Variants in CHRNA7 observed in about 807,000 individuals in gnomAD.
CHRNA7 encodes neuronal acetylcholine receptor subunit alpha-7.
In CHRNA7, 17 loss-of-function variants were observed where a neutral mutation model predicts 48.0. The observed-to-expected ratio is 0.35, with a 90% CI of 0.24 to 0.53. The LOEUF (loss-of-function observed/expected upper bound fraction) is 0.53, where lower values mean the gene tolerates loss of function less well. Among genes scored for constraint, CHRNA7 ranks in the 20% least tolerant of loss-of-function variants. The pLI is 0.92. For synonymous variants in CHRNA7, 75 were observed against 242.3 expected (o/e 0.31, Z 6.41); for missense variants, 155 against 577.7 (o/e 0.27, Z 7.50).
intron 4 of CHRNA7, among the ~76,000 whole-genome samples, chr15:32,137,695 G>T (rs1220628544): frequency 4.6e-5 from 7 of 152,188 alleles, no homozygotes; most frequent in East Asian, 3.8e-4. Flanking sequence ...TGGAAAACTG[G>T]ATATCTAAAT....
chr15:32,144,001 T>G (rs1472653850), intron 4 of CHRNA7, among the ~76,000 whole-genome samples: 1 of 152,220 alleles, frequency 6.6e-6, no homozygotes, highest in Non-Finnish European at 1.5e-5. Context: ...TTGATGTGGT[T>G]TCTTCATAGC....
chr15:32,088,773 T>C (rs949167463), intron 2 of CHRNA7, among the ~76,000 whole-genome samples: 3 of 152,218 alleles, frequency 2.0e-5, no homozygotes, highest in Non-Finnish European at 2.9e-5. Context: ...TTAGTTAGGT[T>C]GTTTGTTAAT....
At chr15:32,132,653 G>A (rs1028974662) in intron 4 of CHRNA7, among the ~76,000 whole-genome samples, 2 of 152,156 alleles carry the variant, frequency 1.3e-5, no homozygotes, top group African/African-American at 4.8e-5. Context: ...TTACATGGCA[G>A]AGAGAAAGAG....
intron 2 of CHRNA7, chr15:32,099,367 G>A (rs569612372): frequency 2.0e-5 from 3 of 152,170 alleles, no homozygotes; most frequent in South Asian, 2.1e-4. Context: ...GAGTCTTTGT[G>A]GGGGGTTCCC....
Position 32,034,981 on chromosome 15 carries a change from C to G in CHRNA7, c.195+3944C>G, listed in dbSNP as rs570045414. Among the ~76,000 whole-genome samples the G allele has an allele frequency of 8.5e-5, 13 of 152,146 alleles. No homozygotes were observed. The South Asian group carries it at 2.5e-3, about 29-fold the overall frequency. On this transcript the variant is annotated intron_variant, in intron 2 of 9. Transcript: ENST00000306901. ...GACAAGGAGGTTGAAACTAGGATGG[C>G]CACTGTGGGAATGTGGAGAAGGGGG...
chr15:32,116,280 C>G (rs368571245), intron 4 of CHRNA7, among the ~76,000 whole-genome samples: 14 of 152,322 alleles, frequency 9.2e-5, no homozygotes, highest in Admixed American at 6.5e-4. Flanking sequence ...ACGTGAGTCA[C>G]TATTGCTTTT....
At chr15:32,134,048 G>A (rs371323863) in intron 4 of CHRNA7, among the ~76,000 whole-genome samples, 69 of 152,302 alleles carry the variant, frequency 4.5e-4, no homozygotes, top group African/African-American at 1.6e-3. Context: ...GGCCAGGTGT[G>A]CAGGCAATGC....
At chr15:32,049,309 G>A (rs895046299) in intron 2 of CHRNA7, among the ~76,000 whole-genome samples, 22 of 152,006 alleles carry the variant, frequency 1.4e-4, no homozygotes, top group Admixed American at 3.9e-4. Context: ...CTCAGGACTT[G>A]CTTTATGAAT....
At chr15:32,038,073 A>ATAT (rs1385432192) in intron 2 of CHRNA7, among the ~76,000 whole-genome samples, 30 of 90,388 alleles carry the variant, frequency 3.3e-4, no homozygotes, top group Non-Finnish European at 5.4e-4. Flanking sequence ...TATATATATA[A>ATAT]ATATACATAT....
In CHRNA7 at chr15:32,064,393, C is replaced by G. The variant is rs191161037; in HGVS notation, c.195+33356C>G. Among the ~76,000 whole-genome samples the G allele has an allele frequency of 5.2e-3, 787 of 152,006 alleles. 6 individuals carry two copies. The highest frequency in any genetic ancestry group is 0.016 in the South Asian group (75 of 4,788). On this transcript the variant is annotated intron_variant, in intron 2 of 9. Coordinates refer to ENST00000306901, the MANE Select transcript of CHRNA7 (RefSeq NM_000746.6). ...TGTATTGTCTGCATCCTCAAAGTCC[C>G]TTATCTGTTGTTTATTTTGGTCTCT...
intron 4 of CHRNA7, among the ~76,000 whole-genome samples, chr15:32,129,658 T>C (rs1234739805): frequency 6.6e-6 from 1 of 151,980 alleles, no homozygotes; most frequent in Non-Finnish European, 1.5e-5. Context: ...TTTATTGATA[T>C]TTTCAAAGAA....
At chr15:32,053,021 A>G (rs908227439) in intron 2 of CHRNA7, among the ~76,000 whole-genome samples, 49 of 152,190 alleles carry the variant, frequency 3.2e-4, no homozygotes, top group African/African-American at 1.1e-3. Flanking sequence ...ATAAATAAAA[A>G]AATCTGTAAT....
chr15:32,051,289 T>C (rs2049670310), intron 2 of CHRNA7, among the ~76,000 whole-genome samples: 1 of 152,080 alleles, frequency 6.6e-6, no homozygotes. Flanking sequence ...CCTTGAGCTG[T>C]GGTGGGCTCC....
chr15:32,036,686 T>C (rs560682099), intron 2 of CHRNA7, among the ~76,000 whole-genome samples: 4 of 152,144 alleles, frequency 2.6e-5, no homozygotes, highest in Non-Finnish European at 5.9e-5. Flanking sequence ...TGACATATGA[T>C]GTGGAGCATT....
intron 4 of CHRNA7, among the ~76,000 whole-genome samples, chr15:32,150,542 G>A (rs2141358020): frequency 6.6e-6 from 1 of 152,272 alleles, no homozygotes; most frequent in South Asian, 2.1e-4. Context: ...CAAATTCATG[G>A]CCAGAGAGGC....
At chr15:32,075,413 T>G (rs954583785) in intron 2 of CHRNA7, among the ~76,000 whole-genome samples, 1 of 152,202 alleles carries the variant, frequency 6.6e-6, no homozygotes, top group African/African-American at 2.4e-5. Flanking sequence ...TATTTTGTAT[T>G]AGGTGAGTTG....
intron 2 of CHRNA7, among the ~76,000 whole-genome samples, chr15:32,096,093 T>TG (rs916158592): frequency 2.0e-5 from 3 of 152,214 alleles, no homozygotes; most frequent in Non-Finnish European, 1.5e-5. Context: ...AAATTAAATT[T>TG]GGGGGGTCTC....
At chr15:32,045,432 C>T (rs1414373815) in intron 2 of CHRNA7, among the ~76,000 whole-genome samples, 4 of 152,142 alleles carry the variant, frequency 2.6e-5, no homozygotes, top group Admixed American at 6.5e-5. Context: ...TGAGAAGATA[C>T]GAAGATGGGC....
chr15:32,145,624 G>A (rs1300371962), intron 4 of CHRNA7, among the ~76,000 whole-genome samples: 1 of 152,184 alleles, frequency 6.6e-6, no homozygotes, highest in East Asian at 1.9e-4. Flanking sequence ...AGCCTCAGCA[G>A]TGGCGGACAC....
Sources: gnomAD v4.1 joint callset for allele counts (sites outside exome capture counted in the v4.1 genomes callset) on GRCh38, gnomAD v4.1.1 for gene constraint, MANE v1.5 for transcripts, NCBI Gene and HGNC (gene_info 2026-07-23, HGNC 2026-07-21) for gene names.